The following ADCY10 variants were observed in gnomAD, a reference collection of about 807,000 sequenced individuals.
The protein encoded by ADCY10 is adenylate cyclase 10, also known as adenylate cyclase type 10.
ADCY10 carries 156 observed loss-of-function variants against 183.3 expected under a neutral mutation model. The ratio of observed to expected loss-of-function variants is 0.85; its 90% CI spans 0.75 to 0.97. The LOEUF is 0.97. ADCY10 is among the 50% of genes least tolerant of loss of function. The pLI, the probability that ADCY10 is intolerant of heterozygous loss-of-function variation, is 0.00. For missense variants in ADCY10, 1,745 were observed against 1,934.3 expected, an observed-to-expected ratio of 0.90 and a Z score of 1.84; for synonymous variants, 645 against 670.0, an observed-to-expected ratio of 0.96 and a Z score of 0.58.
rs780470349 is a variant in ADCY10 at position 167,901,664 on chromosome 1, A to G, written c.434T>C (p.Ile145Thr). ...WEEGLDIRVK[I>T]GLAAGHISML... ...TTTATTCCTTCTCAAATGCTTACCT[A>G]TCTTGACTCGGATGTCTAGGCCTTC... Residue 145 changes from isoleucine to threonine, a missense_variant and splice_region_variant, in exon 5 of 33, where the codon ATA becomes ACA. By Grantham distance (89) the Ile-to-Thr change is moderately conservative (BLOSUM62 -1). Coordinates refer to ENST00000367851, the MANE Select transcript of ADCY10 (RefSeq NM_018417.6). The G allele has an allele frequency of 3.7e-6, 6 of 1,614,042 alleles. No homozygotes were observed. Among genetic ancestry groups the G allele is most frequent in the Non-Finnish European group, 4.2e-6 (5 of 1,179,976 alleles).
At chr1:167,913,180 C>G (rs1670258932) in intron 1 of ADCY10, among the ~76,000 whole-genome samples, 1 of 152,066 alleles carries the variant, frequency 6.6e-6, no homozygotes, top group Admixed American at 6.6e-5. Flanking sequence ...AATGAGGATA[C>G]CTGAGTCAAA....
chr1:167,891,985 T>C (rs1014984330), intron 8 of ADCY10, among the ~76,000 whole-genome samples: 1 of 151,736 alleles, frequency 6.6e-6, no homozygotes, highest in African/African-American at 2.4e-5. Context: ...TCTTTTTTTT[T>C]TTTTTAGAGA....
chr1:167,833,481 A>C (rs113224117), intron 24 of ADCY10, among the ~76,000 whole-genome samples: 66 of 152,278 alleles, frequency 4.3e-4, no homozygotes, highest in South Asian at 2.7e-3. Flanking sequence ...CACGGTGGCT[A>C]ACGCCTGTAA....
intron 30 of ADCY10, 104 bp downstream of exon 30, chr1:167,821,920 T>C: frequency 1.2e-6 from 1 of 814,620 alleles, no homozygotes; most frequent in South Asian, 1.4e-5. Context: ...TTAAGCTGTC[T>C]CAGGTATAAA....
rs1664198097 is a variant in ADCY10 at position 167,836,410 on chromosome 1, G to A, written c.3208C>T (p.Pro1070Ser). ...CEEILEIVIL[P>S]LAHHFLALGE... ...AAAGCCAGAAAATGGTGGGCCAGAG[G>A]CAAGATGACAATCTCTAGGATTTCT... Residue 1070 changes from proline to serine, a missense_variant, in exon 23 of 33, where the codon CCT becomes TCT. Pro to Ser is a moderately conservative substitution (Grantham distance 74). Coordinates refer to ENST00000367851, the MANE Select transcript of ADCY10 (RefSeq NM_018417.6). 3 of 1,614,094 alleles carry A rather than the reference G, an allele frequency of 1.9e-6. No individual in the cohort carries two copies. Among genetic ancestry groups the A allele is most frequent in the Non-Finnish European group, 2.5e-6 (3 of 1,179,942 alleles).
Position 167,893,857 on chromosome 1 carries a change from T to C in ADCY10, c.824A>G (p.Lys275Arg). The change falls in exon 8 of 33, where the codon AAG becomes AGG. Residue 275 changes from lysine to arginine, a missense_variant. Transcript: ENST00000367851. ...TAAATTCAATTTTGAAAATACCTGC[T>C]TCAAAATGCTTTCCATCACATACTT... ...LQKYVMESIL[K>R]QIDNKQLQGY... 6.2e-7 allele frequency: 1 copy of C among 1,612,198 alleles called. No individual in the cohort carries two copies. The highest frequency in any genetic ancestry group is 8.5e-7 in the Non-Finnish European group (1 of 1,178,516).
chr1:167,888,250 G>A (rs573351041), intron 8 of ADCY10, among the ~76,000 whole-genome samples: 21 of 152,066 alleles, frequency 1.4e-4, no homozygotes, highest in Non-Finnish European at 2.4e-4. Flanking sequence ...GATAGCTTTG[G>A]CTACTCTGGG....
intron 6 of ADCY10, among the ~76,000 whole-genome samples, chr1:167,899,190 T>C (rs1449134567): frequency 1.3e-5 from 2 of 152,150 alleles, no homozygotes. Flanking sequence ...CCAAATTCCA[T>C]ATCCTCAGTT....
chr1:167,911,765 C>G (rs149262144), intron 1 of ADCY10, among the ~76,000 whole-genome samples: 1 of 152,246 alleles, frequency 6.6e-6, no homozygotes, highest in East Asian at 1.9e-4. Context: ...CATTGGAGAA[C>G]AAGCGTTTCA....
intron 30 of ADCY10, chr1:167,819,839 A>T: frequency 1.4e-6 from 1 of 690,020 alleles, no homozygotes; most frequent in Non-Finnish European, 2.6e-6. Context: ...TGCTGGGATT[A>T]CAGGTGTCAG....
chr1:167,886,187 G>T (rs769216598), intron 8 of ADCY10, among the ~76,000 whole-genome samples: 26 of 152,074 alleles, frequency 1.7e-4, no homozygotes, highest in Non-Finnish European at 3.2e-4. Flanking sequence ...CACAGAATTG[G>T]AAAAATCTAC....
chr1:167,910,028 C>A (rs1399940230), intron 1 of ADCY10, among the ~76,000 whole-genome samples: 2 of 152,310 alleles, frequency 1.3e-5, no homozygotes, highest in Non-Finnish European at 2.9e-5. Context: ...TCACGTGGAA[C>A]CCCTCACAGC....
chr1:167,860,961 A>G lies in ADCY10; in HGVS notation c.1719T>C (p.Tyr573=). The part of the protein sequence containing the change: ...NVLGLDTCKH[Y]KERQTNLRNK... ...TTCGAAGGTTGGTCTGTCGTTCTTT[A>G]TAATGTTTACAAGTGTCTAGGCCTA... The change falls in exon 15 of 33, where the codon TAT becomes TAC. Residue 573 remains tyrosine (Y), a synonymous_variant. Transcript: ENST00000367851. The G allele has an allele frequency of 1.2e-6, 2 of 1,614,166 alleles. No individual in the cohort carries two copies. Among genetic ancestry groups the G allele is most frequent in the South Asian group, 2.2e-5 (2 of 91,082 alleles).
intron 8 of ADCY10, among the ~76,000 whole-genome samples, chr1:167,891,278 C>T (rs913972451): frequency 2.6e-5 from 4 of 151,854 alleles, no homozygotes; most frequent in African/African-American, 4.8e-5. Flanking sequence ...ATTTAATCTG[C>T]CACACTCTCC....
chr1:167,898,606 T>A (rs974922046), intron 6 of ADCY10, among the ~76,000 whole-genome samples: 14 of 151,124 alleles, frequency 9.3e-5, no homozygotes, highest in African/African-American at 3.4e-4. Context: ...TTTTTTTTTT[T>A]TAAAAAAAGA....
chr1:167,840,820 C>T (rs1238247572), intron 21 of ADCY10, among the ~76,000 whole-genome samples: 2 of 152,110 alleles, frequency 1.3e-5, no homozygotes, highest in Non-Finnish European at 2.9e-5. Context: ...ACCTGCCCAC[C>T]TTATGGTTTC....
rs1165822932 is a variant in ADCY10 at position 167,824,872 on chromosome 1, G to A, written c.3751-17C>T. 6.2e-7 allele frequency: 1 copy of A among 1,609,386 alleles called. No individual in the cohort carries two copies. Among genetic ancestry groups the A allele is most frequent in the South Asian group, 1.1e-5 (1 of 90,970 alleles). On this transcript the variant is annotated splice_polypyrimidine_tract_variant and intron_variant, in intron 26 of 32. Transcript: ENST00000367851. Reference sequence around the variant, plus strand: ...CTTAATGATCTGAAATGGCAGAGTGGAGGAAGAGTGAGGCAGAACGCAAAG... The same window carrying A: ...CTTAATGATCTGAAATGGCAGAGTGAAGGAAGAGTGAGGCAGAACGCAAAG...
intron 8 of ADCY10, among the ~76,000 whole-genome samples, chr1:167,890,591 A>G (rs990654057): frequency 2.6e-5 from 2 of 77,248 alleles, no homozygotes; most frequent in African/African-American, 1.1e-4. Flanking sequence ...AGGCTCTAGC[A>G]CTCTACAATC....
intron 12 of ADCY10, 93 bp downstream of exon 12, chr1:167,878,353 T>G: frequency 7.0e-7 from 1 of 1,426,960 alleles, no homozygotes; most frequent in African/African-American, 1.4e-5. Flanking sequence ...CTTTTTGAAC[T>G]GGCTCCAAAT....
Sources: gnomAD v4.1 joint callset for allele counts (sites outside exome capture counted in the v4.1 genomes callset) on GRCh38, gnomAD v4.1.1 for gene constraint, MANE v1.5 for transcripts, NCBI Gene and HGNC (gene_info 2026-07-23, HGNC 2026-07-21) for gene names.